Variants in DENND2C observed in about 807,000 individuals in gnomAD.
DENND2C encodes DENN domain containing 2C.
In DENND2C, 72 loss-of-function variants were observed where a neutral mutation model predicts 112.4. The observed-to-expected ratio is 0.64, with a 90% CI of 0.53 to 0.78. The LOEUF is 0.78. Among genes scored for constraint, DENND2C ranks in the 30% least tolerant of loss-of-function variants. DENND2C has a pLI of 0.00. For synonymous variants in DENND2C, 329 were observed against 381.6 expected (o/e 0.86, Z 1.61); for missense variants, 992 against 1,113.8 (o/e 0.89, Z 1.56).
chr1:114,626,749 G>A (rs1656355293), intron 3 of DENND2C, among the ~76,000 whole-genome samples: 3 of 151,872 alleles, frequency 2.0e-5, no homozygotes. Context: ...CTGAGTTCAA[G>A]CAATCCACCC....
rs763695323 is a variant in DENND2C, at chr1:114,625,453, A to C, written c.532T>G (p.Phe178Val). ...CCGTATGAACTATCCAGAACTCTGA[A>C]GTTCAGTTCTTTTTCTGAAGAGTCA... Reference protein sequence around the residue: ...HCDSSEKELNFRVLDSSYGIT... With the variant: ...HCDSSEKELNVRVLDSSYGIT... The change falls in exon 4 of 21, where the codon TTC (phenylalanine) becomes GTC (valine). Residue 178 changes from phenylalanine to valine, a missense_variant. Transcript: ENST00000393274. 3.1e-6 allele frequency: 5 copies of C among 1,614,004 alleles called. No homozygotes were observed. In the African/African-American group the frequency reaches 6.7e-5, roughly 22 times the overall value.
intron 3 of DENND2C, among the ~76,000 whole-genome samples, chr1:114,636,169 G>C (rs747676441): frequency 2.7e-4 from 41 of 151,800 alleles, no homozygotes; most frequent in Admixed American, 6.6e-5. Flanking sequence ...TATCTTAATA[G>C]ATGAAGAAAA....
chr1:114,629,840 C>G (rs1468775466), intron 3 of DENND2C, among the ~76,000 whole-genome samples: 4 of 152,144 alleles, frequency 2.6e-5, no homozygotes, highest in Non-Finnish European at 5.9e-5. Flanking sequence ...TACTGATGTT[C>G]TATTTTACCA....
chr1:114,604,255 T>C (rs1655599812), intron 11 of DENND2C, among the ~76,000 whole-genome samples: 1 of 152,354 alleles, frequency 6.6e-6, no homozygotes, highest in South Asian at 2.1e-4. Context: ...GTCATTACCA[T>C]GTGATACGGT....
At chr1:114,668,755 T>C (rs1392595852) in intron 1 of DENND2C, among the ~76,000 whole-genome samples, 2 of 152,156 alleles carry the variant, frequency 1.3e-5, no homozygotes, top group African/African-American at 4.8e-5. Context: ...TAATAAAGGC[T>C]GTATGAAAAA....
At chr1:114,649,736 A>G (rs1387913927) in intron 2 of DENND2C, among the ~76,000 whole-genome samples, 1 of 152,202 alleles carries the variant, frequency 6.6e-6, no homozygotes, top group African/African-American at 2.4e-5. Context: ...AGACACTGAA[A>G]AATAAAGGCA....
intron 3 of DENND2C, among the ~76,000 whole-genome samples, chr1:114,634,276 CTTAA>C (rs1448503860): frequency 1.3e-5 from 2 of 152,194 alleles, no homozygotes; most frequent in Non-Finnish European, 2.9e-5. Context: ...ATCAACTTGA[CTTAA>C]TTGACATTTT....
At chr1:114,637,915 C>T (rs1275939607) in intron 3 of DENND2C, among the ~76,000 whole-genome samples, 1 of 152,096 alleles carries the variant, frequency 6.6e-6, no homozygotes, top group Non-Finnish European at 1.5e-5. Context: ...AACAAAATCA[C>T]AGCAGGTTTT....
In DENND2C at chr1:114,602,198, A is replaced by G; in HGVS notation, c.1668-4T>C. On this transcript the variant is annotated splice_region_variant and splice_polypyrimidine_tract_variant and intron_variant, in intron 11 of 20. Transcript: ENST00000393274. ...CAAGACAAAGGAGAATGTTTCACTG[A>G]AAAAAGAGCCAATAGTTAGTTTAGG... The G allele has an allele frequency of 6.2e-7, 1 of 1,613,004 alleles. No homozygotes were observed. Among genetic ancestry groups the G allele is most frequent in the South Asian group, 1.1e-5 (1 of 90,862 alleles).
chr1:114,595,629 C>T, intron 17 of DENND2C: 1 of 499,146 alleles, frequency 2.0e-6, no homozygotes, highest in South Asian at 2.8e-5. Context: ...CTCCTTCCTC[C>T]TTTGGGATAG....
intron 1 of DENND2C, among the ~76,000 whole-genome samples, chr1:114,661,059 C>A (rs893510358): frequency 6.9e-6 from 1 of 145,420 alleles, no homozygotes; most frequent in Middle Eastern, 3.6e-3. Context: ...TGCAGTGAGC[C>A]GGTATTGTGC....
chr1:114,608,964 TCA>T, intron 9 of DENND2C, 91 bp from the exon 10 acceptor site: 1 of 1,320,236 alleles, frequency 7.6e-7, no homozygotes, highest in Non-Finnish European at 1.1e-6. Context: ...GGATTAATCT[TCA>T]CACAGTCACT....
chr1:114,603,545 A>G (rs922185085), intron 11 of DENND2C, among the ~76,000 whole-genome samples: 8 of 141,294 alleles, frequency 5.7e-5, no homozygotes, highest in African/African-American at 2.1e-4. Flanking sequence ...CCTTCCTTTT[A>G]TTATTATTAT....
intron 1 of DENND2C, among the ~76,000 whole-genome samples, chr1:114,668,170 G>A (rs1231907698): frequency 8.5e-5 from 13 of 152,058 alleles, no homozygotes; most frequent in Admixed American, 8.5e-4. Context: ...AGACCTCCAA[G>A]ATCAAGAAAT....
intron 1 of DENND2C, among the ~76,000 whole-genome samples, chr1:114,655,899 T>TATATATATATAA (rs947062949): frequency 1.4e-5 from 2 of 147,694 alleles, no homozygotes; most frequent in African/African-American, 2.5e-5. Context: ...TATATATATA[T>TATATATATATAA]AATATGTATG....
At chr1:114,603,107 A>G (rs979971955) in intron 11 of DENND2C, among the ~76,000 whole-genome samples, 3 of 151,776 alleles carry the variant, frequency 2.0e-5, no homozygotes, top group Non-Finnish European at 4.4e-5. Flanking sequence ...AATATACCCA[A>G]GAAAGAAACT....
At chr1:114,629,751 G>T (rs1656438234) in intron 3 of DENND2C, among the ~76,000 whole-genome samples, 1 of 151,946 alleles carries the variant, frequency 6.6e-6, no homozygotes, top group African/African-American at 2.4e-5. Context: ...ATCATATATA[G>T]AATTCTGTGT....
At chr1:114,651,120 CA>C (rs1657148097) in intron 2 of DENND2C, among the ~76,000 whole-genome samples, 1 of 151,466 alleles carries the variant, frequency 6.6e-6, no homozygotes, top group Non-Finnish European at 1.5e-5. Flanking sequence ...CATCTCAAAA[CA>C]AAACAAAACA....
chr1:114,597,379 G>A (rs1359246547), intron 16 of DENND2C, among the ~76,000 whole-genome samples: 1 of 151,334 alleles, frequency 6.6e-6, no homozygotes, highest in African/African-American at 2.4e-5. Flanking sequence ...AGGAGGCGGA[G>A]GTTGCAGTGA....
Sources: gnomAD v4.1 joint callset for allele counts (sites outside exome capture counted in the v4.1 genomes callset) on GRCh38, gnomAD v4.1.1 for gene constraint, MANE v1.5 for transcripts, NCBI Gene and HGNC (gene_info 2026-07-23, HGNC 2026-07-21) for gene names.